LIMK1: variants seen among roughly 807,000 people sequenced by gnomAD.
LIMK1 encodes LIM domain kinase 1.
LIMK1 carries 21 observed loss-of-function variants against 77.6 expected under a neutral mutation model. The observed-to-expected ratio is 0.27, with a 90% CI of 0.19 to 0.39. The LOEUF (loss-of-function observed/expected upper bound fraction) is 0.39, where lower values mean the gene tolerates loss of function less well. Among genes scored for constraint, LIMK1 ranks in the 10% least tolerant of loss-of-function variants. The probability of loss-of-function intolerance (pLI) is 1.00; values close to 1 mark genes in which losing one functional copy is unlikely to be tolerated. For synonymous variants in LIMK1, 358 were observed against 370.0 expected (o/e 0.97, Z 0.37); for missense variants, 696 against 901.6 (o/e 0.77, Z 2.92).
intron 2 of LIMK1, among the ~76,000 whole-genome samples, chr7:74,092,130 T>A (rs1451513749): frequency 6.6e-6 from 1 of 151,730 alleles, no homozygotes. Flanking sequence ...CACACCTGGC[T>A]AATTTTTGTG....
rs1326728805 is a variant in LIMK1, at chr7:74,121,793, T to G, written c.*492T>G. 1 of 155,336 alleles carries G rather than the reference T, an allele frequency of 6.4e-6. No individual in the cohort carries two copies. Among genetic ancestry groups the G allele is most frequent in the African/African-American group, 2.4e-5 (1 of 41,556 alleles). The allele number at this position is 155,336 out of a possible 1,614,324, so 9.6% of individuals were successfully genotyped here. ...GTTCCCAGGAACCAAATGGGGAGTC[T>G]GGGGCCCGTTTTCCCCCCAGGGGGT... On this transcript the variant is annotated 3_prime_UTR_variant, in exon 16 of 16. Coordinates refer to ENST00000336180, the MANE Select transcript of LIMK1 (RefSeq NM_002314.4).
rs1354844389 is a variant in LIMK1, at chr7:74,108,799, C to G, written c.1153-106C>G. 34 of 1,509,858 alleles carry G rather than the reference C, an allele frequency of 2.3e-5. No homozygotes were observed. In the Admixed American group the frequency reaches 6.6e-4, roughly 29 times the overall value. 93.5% of individuals were successfully genotyped at this position (1,509,858 alleles called of 1,614,324 possible). ...GAGAGGGGAGCTGGGGGTTCCGTAT[C>G]TTTGAGACCGCCTACAGCCCCTGGT... On this transcript the variant is annotated intron_variant, in intron 9 of 15. Coordinates refer to ENST00000336180, the MANE Select transcript of LIMK1 (RefSeq NM_002314.4).
chr7:74,099,097 G>A lies in LIMK1; in HGVS notation c.467G>A (p.Gly156Asp). ...GAGCAGATCCTGCCTGACTCCCCTG[G>A]CTCCCACCTGCCCCACACCGTCACC... ...VIEQILPDSP[G>D]SHLPHTVTLV... The change falls in exon 5 of 16, where the codon GGC (glycine) becomes GAC (aspartate). Residue 156 changes from glycine (G) to aspartate (D), a missense_variant. Gly to Asp is a moderately conservative substitution (Grantham distance 94). This residue lies in a region of LIMK1 where 252 missense variants were observed against 279.4 expected (regional missense o/e 0.90). Coordinates refer to ENST00000336180, the MANE Select transcript of LIMK1 (RefSeq NM_002314.4). 1 of 1,613,142 alleles carries A rather than the reference G, an allele frequency of 6.2e-7. No homozygotes were observed. Among genetic ancestry groups the A allele is most frequent in the Non-Finnish European group, 8.5e-7 (1 of 1,179,916 alleles).
intron 12 of LIMK1, among the ~76,000 whole-genome samples, chr7:74,114,195 C>T (rs1234188001): frequency 3.3e-5 from 5 of 150,864 alleles, no homozygotes; most frequent in Admixed American, 6.6e-5. Context: ...TGCTGTGAGC[C>T]GAGATCACGT....
rs143025582 is a variant in LIMK1 at position 74,099,197 on chromosome 7, G to A, written c.567G>A (p.Pro189=). 71 of 1,610,268 alleles carry A rather than the reference G, an allele frequency of 4.4e-5. No individual in the cohort carries two copies. Among genetic ancestry groups the A allele is most frequent in the Admixed American group, 1.0e-4 (6 of 60,014 alleles). ...CCATTGACCCCCCGCACGGCCCACC[G>A]GGCTGTGGCACCGAGCACTCACACA... is the stretch of plus-strand genomic sequence containing the variant. ...SVSIDPPHGP[P]GCGTEHSHTV... Residue 189 remains proline, a synonymous_variant, in exon 5 of 16, where the codon CCG becomes CCA. Transcript: ENST00000336180.
intron 2 of LIMK1, among the ~76,000 whole-genome samples, chr7:74,090,801 C>T (rs889776049): frequency 6.6e-6 from 1 of 152,212 alleles, no homozygotes; most frequent in Admixed American, 6.5e-5. Flanking sequence ...CCTCTGCATG[C>T]CCCTCCCAGT....
chr7:74,109,075 C>G (rs576997824), intron 10 of LIMK1, 39 bp downstream of exon 10: 1 of 1,527,360 alleles, frequency 6.5e-7, no homozygotes, highest in South Asian at 1.2e-5. Context: ...CGCTGTGCGG[C>G]CCCGGGCAAA....
chr7:74,087,108 A>G (rs1554694173), intron 2 of LIMK1, among the ~76,000 whole-genome samples: 1 of 152,162 alleles, frequency 6.6e-6, no homozygotes, highest in Non-Finnish European at 1.5e-5. Context: ...CCTGGGTAGA[A>G]AAGTAGAGTG....
At position 74,086,191 on chromosome 7, in the gene LIMK1, G is replaced by A. The variant is rs562658248; in HGVS notation, c.152+347G>A. ...CTCTGGAGTAGCTGGGATTACAGGC[G>A]TGCACCACCACGCCCAGCTAATTTT... On this transcript the variant is annotated intron_variant, in intron 2 of 15. Transcript: ENST00000336180. Among the ~76,000 whole-genome samples, 919 of 150,104 alleles carry A rather than the reference G, an allele frequency of 6.1e-3. 6 individuals carry two copies. Among genetic ancestry groups the A allele is most frequent in the Non-Finnish European group, 9.2e-3 (623 of 67,570 alleles).
chr7:74,098,155 G>A (rs926379258), intron 4 of LIMK1, among the ~76,000 whole-genome samples: 1 of 152,156 alleles, frequency 6.6e-6, no homozygotes, highest in Admixed American at 6.6e-5. Context: ...CCCGTTCTTG[G>A]AGGTCAGGCT....
At chr7:74,095,293 G>A (rs550238416) in intron 2 of LIMK1, among the ~76,000 whole-genome samples, 65 of 152,216 alleles carry the variant, frequency 4.3e-4, no homozygotes, top group African/African-American at 1.5e-3. Flanking sequence ...AGAGCGGGAC[G>A]GACCCCCTAG....
intron 2 of LIMK1, chr7:74,094,291 C>T (rs572084839): frequency 5.3e-5 from 8 of 152,344 alleles, no homozygotes; most frequent in African/African-American, 9.6e-5. Flanking sequence ...TCATCACCGC[C>T]GGGTCTTTCA....
chr7:74,108,165 C>G (rs1799619773), intron 9 of LIMK1, among the ~76,000 whole-genome samples: 2 of 151,156 alleles, frequency 1.3e-5, no homozygotes, highest in South Asian at 4.2e-4. Context: ...TAGCAAGACC[C>G]CGTCTCTACA....
chr7:74,102,814 C>T lies in LIMK1; in HGVS notation c.609-3061C>T, dbSNP rs143971745. On this transcript the variant is annotated intron_variant, in intron 5 of 15. Transcript: ENST00000336180. ...CCTTTATAGCAATCTCCCCCTCATC[C>T]ACAGTCCAGTCCATGATCAACATTG... 6.6e-5 allele frequency among the ~76,000 whole-genome samples: 10 copies of T among 151,984 alleles called. No homozygotes were observed. The East Asian group carries it at 1.9e-3, about 29-fold the overall frequency.
Position 74,085,728 on chromosome 7 carries a change from A to G in LIMK1, c.56-20A>G, listed in dbSNP as rs1554693949. 8 of 1,548,002 alleles carry G rather than the reference A, an allele frequency of 5.2e-6. No homozygotes were observed. The highest frequency in any genetic ancestry group is 2.4e-5 in the East Asian group (1 of 40,896). ...TCACACTTCCTGAGAATGCTTCCCAACTCCCTTCCCACCCTGCAGGAAGCG... is the reference window on the plus strand; with the variant it reads ...TCACACTTCCTGAGAATGCTTCCCAGCTCCCTTCCCACCCTGCAGGAAGCG... On this transcript the variant is annotated intron_variant, in intron 1 of 15. Coordinates refer to ENST00000336180, the MANE Select transcript of LIMK1 (RefSeq NM_002314.4).
At chr7:74,117,909 A>T (rs1799847824) in intron 13 of LIMK1, among the ~76,000 whole-genome samples, 1 of 151,670 alleles carries the variant, frequency 6.6e-6, no homozygotes, top group Non-Finnish European at 1.5e-5. Flanking sequence ...GGAGTTCGAG[A>T]CCAGCCTGGC....
At chr7:74,085,717 A>G (rs782751023) in intron 1 of LIMK1, 31 bp from the exon 2 acceptor site, 4 of 1,535,680 alleles carry the variant, frequency 2.6e-6, no homozygotes, top group Non-Finnish European at 3.5e-6. Flanking sequence ...ACTTCCTGAG[A>G]ATGCTTCCCA....
intron 13 of LIMK1, among the ~76,000 whole-genome samples, chr7:74,118,533 T>C (rs1487780069): frequency 6.6e-6 from 1 of 151,622 alleles, no homozygotes. Flanking sequence ...AGGTGGATCA[T>C]GAGGTCAGGA....
At position 74,099,061 on chromosome 7, in the gene LIMK1, C is replaced by T; in HGVS notation, c.431C>T (p.Thr144Ile). Residue 144 changes from threonine to isoleucine, a missense_variant, in exon 5 of 16, where the codon ACC becomes ATC. This residue lies in a region of LIMK1 where 252 missense variants were observed against 279.4 expected (regional missense o/e 0.90). Transcript: ENST00000336180. ...CGHCYYQTVV[T>I]PVIEQILPDS... ...CACTGCTACTACCAGACTGTGGTGA[C>T]CCCCGTCATCGAGCAGATCCTGCCT... is the stretch of plus-strand genomic sequence containing the variant. The T allele has an allele frequency of 1.8e-5, 29 of 1,612,666 alleles. No homozygotes were observed. Among genetic ancestry groups the T allele is most frequent in the Non-Finnish European group, 2.4e-5 (28 of 1,179,988 alleles).
Sources: gnomAD v4.1 joint callset for allele counts (sites outside exome capture counted in the v4.1 genomes callset) on GRCh38, gnomAD v4.1.1 for gene constraint, gnomAD v4.1.1 regional missense constraint, MANE v1.5 for transcripts, NCBI Gene and HGNC (gene_info 2026-07-23, HGNC 2026-07-21) for gene names.